The following ADGRG7 variants were observed in gnomAD, a reference collection of about 807,000 sequenced individuals.
The protein encoded by ADGRG7 is G-protein coupled receptor 128.
A neutral mutation model predicts 88.6 loss-of-function variants in ADGRG7; 82 were observed. That is an observed-to-expected ratio of 0.93 (90% CI 0.77 to 1.11). The LOEUF (loss-of-function observed/expected upper bound fraction) is 1.11. Among genes scored for constraint, ADGRG7 ranks in the 50% most tolerant of loss-of-function variants. The pLI, the probability that ADGRG7 is intolerant of heterozygous loss-of-function variation, is 0.00. For missense variants in ADGRG7, 945 were observed against 953.4 expected (o/e 0.99, Z 0.12); for synonymous variants, 381 against 345.2 (o/e 1.10, Z -1.15).
chr3:100,616,494 A>T (rs554520756), intron 1 of ADGRG7, among the ~76,000 whole-genome samples: 1 of 152,282 alleles, frequency 6.6e-6, no homozygotes, highest in Non-Finnish European at 1.5e-5. Context: ...TAAAAAAATT[A>T]ATGAGTGATT....
At chr3:100,648,683 TATGGTG>T (rs1390656323) in intron 10 of ADGRG7, among the ~76,000 whole-genome samples, 1 of 152,184 alleles carries the variant, frequency 6.6e-6, no homozygotes, top group Non-Finnish European at 1.5e-5. Context: ...AAGAGGTAGG[TATGGTG>T]TGGGGTAGCA....
At chr3:100,657,278 C>T (rs1051850087) in intron 13 of ADGRG7, among the ~76,000 whole-genome samples, 1 of 152,216 alleles carries the variant, frequency 6.6e-6, no homozygotes, top group Non-Finnish European at 1.5e-5. Flanking sequence ...GGCCACATTT[C>T]TTCAGGATAT....
chr3:100,629,784 T>G, intron 2 of ADGRG7, 73 bp downstream of exon 2: 1 of 946,980 alleles, frequency 1.1e-6, no homozygotes, highest in Non-Finnish European at 1.7e-6. Context: ...GCAATAAAGC[T>G]TCTAGAAGCT....
intron 6 of ADGRG7, among the ~76,000 whole-genome samples, chr3:100,641,832 A>G (rs970238849): frequency 6.6e-6 from 1 of 152,222 alleles, no homozygotes; most frequent in Admixed American, 6.5e-5. Flanking sequence ...TCTCACAATG[A>G]TGTAATGACC....
At position 100,613,588 on chromosome 3, in the gene ADGRG7, T is replaced by A. The variant is rs113000873; in HGVS notation, c.115+3617T>A. Reference sequence around the variant, plus strand: ...GGAAGGGATTTTTAAAATAAATTTATTCCAGTTTGGCTATGTAATTGGCTG... The same window carrying A: ...GGAAGGGATTTTTAAAATAAATTTAATCCAGTTTGGCTATGTAATTGGCTG... On this transcript the variant is annotated intron_variant, in intron 1 of 15. Coordinates refer to ENST00000273352, the MANE Select transcript of ADGRG7 (RefSeq NM_032787.3). Among the ~76,000 whole-genome samples, 951 of 152,278 alleles carry A rather than the reference T, an allele frequency of 6.2e-3. 14 individuals carry two copies. Among genetic ancestry groups the A allele is most frequent in the African/African-American group, 0.022 (912 of 41,556 alleles).
intron 15 of ADGRG7, among the ~76,000 whole-genome samples, chr3:100,669,533 CAAAAAAAAAAAAA>C (rs59788369): frequency 4.5e-5 from 3 of 66,576 alleles, no homozygotes; most frequent in East Asian, 4.3e-4. Flanking sequence ...GACTCCATCT[CAAAAAAAAAAAAA>C]AAAAAAAAAA....
intron 13 of ADGRG7, among the ~76,000 whole-genome samples, chr3:100,657,496 C>A (rs2094939286): frequency 6.6e-6 from 1 of 152,182 alleles, no homozygotes; most frequent in Admixed American, 6.5e-5. Context: ...AATGCTCTAC[C>A]CCCAGTTCTC....
chr3:100,665,202 G>C, intron 14 of ADGRG7: 6 of 539,986 alleles, frequency 1.1e-5, no homozygotes, highest in Non-Finnish European at 2.3e-5. Context: ...CATCCAACAG[G>C]ACTGGAGAAA....
At chr3:100,633,647 C>T (rs1425677633) in intron 4 of ADGRG7, among the ~76,000 whole-genome samples, 1 of 152,078 alleles carries the variant, frequency 6.6e-6, no homozygotes, top group East Asian at 1.9e-4. Context: ...GCATCAGCCT[C>T]CTGAGTAAGC....
At position 100,662,282 on chromosome 3, in the gene ADGRG7, A is replaced by C. The variant is rs114579352; in HGVS notation, c.1979+2439A>C. Among the ~76,000 whole-genome samples the C allele has an allele frequency of 8.3e-3, 1,267 of 152,270 alleles. 13 individuals are homozygous for C. Among genetic ancestry groups the C allele is most frequent in the African/African-American group, 0.018 (746 of 41,562 alleles). ...TTTGACTCCTGAAAATGGGAGATAA[A>C]AGGGGAGGGAAAAGTGCTGACACAC... On this transcript the variant is annotated intron_variant, in intron 14 of 15. Coordinates refer to ENST00000273352, the MANE Select transcript of ADGRG7 (RefSeq NM_032787.3).
chr3:100,665,311 G>C (rs1472635646), intron 14 of ADGRG7: 2 of 540,654 alleles, frequency 3.7e-6, no homozygotes, highest in African/African-American at 3.8e-5. Flanking sequence ...TCATCTTTAA[G>C]TTCATCTGGT....
chr3:100,639,990 A>G (rs1411735729), intron 6 of ADGRG7, among the ~76,000 whole-genome samples: 1 of 152,178 alleles, frequency 6.6e-6, no homozygotes, highest in Non-Finnish European at 1.5e-5. Context: ...ATTTTCTAAT[A>G]ATGTTCCATC....
intron 1 of ADGRG7, among the ~76,000 whole-genome samples, chr3:100,614,714 C>T (rs769620995): frequency 5.3e-5 from 8 of 152,116 alleles, no homozygotes; most frequent in Non-Finnish European, 1.2e-4. Flanking sequence ...GTTTTTATTT[C>T]CCTACTTATT....
At chr3:100,625,592 C>T (rs188802952) in intron 1 of ADGRG7, among the ~76,000 whole-genome samples, 1 of 149,962 alleles carries the variant, frequency 6.7e-6, no homozygotes, top group East Asian at 1.9e-4. Flanking sequence ...GAGGGGGCAT[C>T]CTTGCCTTGT....
chr3:100,671,119 T>C lies in ADGRG7; in HGVS notation c.2136+2014T>C, dbSNP rs765907833. On this transcript the variant is annotated intron_variant, in intron 15 of 15. Coordinates refer to ENST00000273352, the MANE Select transcript of ADGRG7 (RefSeq NM_032787.3). ...ATTACTGGTTCTAGATCCTGAGGAA[T>C]CGCCACACTGTCTTCCACAATGGTT... Among the ~76,000 whole-genome samples the C allele has an allele frequency of 2.0e-5, 3 of 152,220 alleles. No homozygotes were observed. In the East Asian group the frequency reaches 5.8e-4, roughly 29 times the overall value.
intron 6 of ADGRG7, among the ~76,000 whole-genome samples, chr3:100,641,249 T>C (rs1378878540): frequency 2.0e-5 from 3 of 152,022 alleles, no homozygotes; most frequent in Non-Finnish European, 4.4e-5. Flanking sequence ...GGATCATTTA[T>C]ATAAACAAAG....
intron 14 of ADGRG7, among the ~76,000 whole-genome samples, chr3:100,663,019 C>T (rs1176997955): frequency 6.6e-6 from 1 of 152,072 alleles, no homozygotes; most frequent in Admixed American, 6.5e-5. Flanking sequence ...AAATGTCCTA[C>T]TGATCCTCTA....
At chr3:100,613,183 C>A (rs1265768690) in intron 1 of ADGRG7, among the ~76,000 whole-genome samples, 3 of 152,174 alleles carry the variant, frequency 2.0e-5, no homozygotes, top group Admixed American at 6.5e-5. Flanking sequence ...AGCCACCGCA[C>A]CTGGCCTGAT....
chr3:100,613,913 A>G (rs1345867141), intron 1 of ADGRG7, among the ~76,000 whole-genome samples: 1 of 152,212 alleles, frequency 6.6e-6, no homozygotes, highest in Non-Finnish European at 1.5e-5. Flanking sequence ...TTAGATCCCA[A>G]TAATGCCCCT....
Sources: allele counts gnomAD v4.1 joint callset (sites outside exome capture counted in the v4.1 genomes callset), GRCh38; gene constraint gnomAD v4.1.1; transcripts MANE v1.5; gene names NCBI Gene and HGNC (gene_info 2026-07-23, HGNC 2026-07-21).